TRIM9: variants seen among roughly 807,000 people sequenced by gnomAD.
The protein encoded by TRIM9 is E3 ubiquitin-protein ligase TRIM9.
A neutral mutation model predicts 78.3 loss-of-function variants in TRIM9; 26 were observed. The ratio of observed to expected loss-of-function variants is 0.33; its 90% CI spans 0.24 to 0.46. The LOEUF (loss-of-function observed/expected upper bound fraction) is 0.46, where lower values mean the gene tolerates loss of function less well. Ranked by LOEUF, TRIM9 falls within the 20% of genes least tolerant of loss-of-function variation. The pLI, the probability that TRIM9 is intolerant of heterozygous loss-of-function variation, is 1.00. For missense variants in TRIM9, 787 were observed against 1,036.4 expected, an observed-to-expected ratio of 0.76 and a Z score of 3.30; for synonymous variants, 398 against 416.5, an observed-to-expected ratio of 0.96 and a Z score of 0.54.
chr14:51,086,372 C>T (rs1027524517), intron 1 of TRIM9, among the ~76,000 whole-genome samples: 8 of 152,140 alleles, frequency 5.3e-5, no homozygotes. Flanking sequence ...ATCTTTAGAG[C>T]AGTGCCTGCA....
rs138127776 is a variant in TRIM9, at chr14:51,051,590, A to C, written c.823-26230T>G. Among the ~76,000 whole-genome samples, 1,240 of 152,338 alleles carry C rather than the reference A, an allele frequency of 8.1e-3. 28 individuals are homozygous for C. Among genetic ancestry groups the C allele is most frequent in the African/African-American group, 0.028 (1,175 of 41,566 alleles). ...GCTTGTTATTGTGGGTGTAATTAGC[A>C]GAGGAGTATAATGCAATTAGCTATT... is the stretch of plus-strand genomic sequence containing the variant. On this transcript the variant is annotated intron_variant, in intron 1 of 12. Transcript: ENST00000684578.
At chr14:51,026,785 T>TC (rs1304148917) in intron 1 of TRIM9, among the ~76,000 whole-genome samples, 5 of 152,178 alleles carry the variant, frequency 3.3e-5, no homozygotes, top group African/African-American at 1.2e-4. Context: ...TCTCGCTCTA[T>TC]CCCCTATAAG....
intron 1 of TRIM9, among the ~76,000 whole-genome samples, chr14:51,045,016 G>T (rs561739238): frequency 1.3e-5 from 2 of 152,082 alleles, no homozygotes; most frequent in Admixed American, 1.3e-4. Context: ...CTAAGAGGGC[G>T]GTTGGTTCTC....
intron 11 of TRIM9, among the ~76,000 whole-genome samples, chr14:50,981,187 C>A (rs368538790): frequency 1.4e-4 from 22 of 152,258 alleles, no homozygotes; most frequent in African/African-American, 5.1e-4. Context: ...AAGAAAACCT[C>A]AAGGAGATTA....
At chr14:50,996,929 AATTGTGCTTGTTTTTAACC>A in intron 7 of TRIM9, 1 of 985,400 alleles carries the variant, frequency 1.0e-6, no homozygotes, top group Non-Finnish European at 1.2e-6. Context: ...TAGGATTCAA[AATTGTGCTTGTTTTTAACC>A]ATGTGAAGCA....
chr14:51,073,118 G>A (rs1347066873), intron 1 of TRIM9, among the ~76,000 whole-genome samples: 1 of 152,138 alleles, frequency 6.6e-6, no homozygotes, highest in Non-Finnish European at 1.5e-5. Context: ...ACAACACTGT[G>A]ATACCACTGT....
chr14:51,010,425 A>G lies in TRIM9; in HGVS notation c.1111T>C (p.Leu371=), dbSNP rs938732919. Residue 371 remains leucine, a synonymous_variant, in exon 4 of 13, where the codon TTG becomes CTG. Transcript: ENST00000684578. ...GGATCATTTTCCTTAATCACCTCCA[A>G]GCAGTACTCCATGAGACCTGTGGTC... ...RQTTGLMEYC[L]EVIKENDPSG... The G allele has an allele frequency of 1.9e-6, 3 of 1,613,944 alleles. No homozygotes were observed. The African/African-American group carries it at 4.0e-5, about 22-fold the overall frequency.
chr14:51,060,082 A>C (rs4898680), intron 1 of TRIM9, among the ~76,000 whole-genome samples: 71,154 of 152,084 alleles, frequency 0.47, 16,791 homozygotes, highest in South Asian at 0.63. Context: ...TCACCTCCTG[A>C]CTGGAATACT....
At chr14:51,064,276 CTAAA>C (rs985645571) in intron 1 of TRIM9, among the ~76,000 whole-genome samples, 3 of 151,866 alleles carry the variant, frequency 2.0e-5, no homozygotes, top group Non-Finnish European at 4.4e-5. Context: ...AAAATTGTAA[CTAAA>C]TACTCAATAG....
At chr14:51,086,416 T>C (rs1382426966) in intron 1 of TRIM9, among the ~76,000 whole-genome samples, 3 of 152,218 alleles carry the variant, frequency 2.0e-5, no homozygotes, top group African/African-American at 7.2e-5. Flanking sequence ...TAGCAAAAAG[T>C]ATAAAATACA....
intron 1 of TRIM9, among the ~76,000 whole-genome samples, chr14:51,055,017 G>A (rs2060785300): frequency 6.7e-6 from 1 of 148,410 alleles, no homozygotes; most frequent in South Asian, 2.1e-4. Context: ...TTCAGAGACA[G>A]GTTTCACCAT....
In TRIM9 at chr14:51,080,436, AACACACACACACAC is replaced by A. The variant is rs34062978; in HGVS notation, c.822+13668_822+13681del. On this transcript the variant is annotated intron_variant, in intron 1 of 12. Transcript: ENST00000684578. The stretch of plus-strand genomic sequence containing the variant: ...TAGGTGTTTCAATTGAGTTTTATTG[AACACACACACACAC>A]ACACACACACACACACACACACACA... Among the ~76,000 whole-genome samples, 1,303 of 144,014 alleles carry A rather than the reference AACACACACACACAC, an allele frequency of 9.0e-3. 28 individuals are homozygous for A. The highest frequency in any genetic ancestry group is 0.03 in the African/African-American group (1,158 of 38,874). 94.5% of individuals were successfully genotyped at this position (144,014 alleles called of 152,430 possible).
chr14:51,014,922 CA>C (rs531334566), intron 3 of TRIM9, among the ~76,000 whole-genome samples: 35 of 152,284 alleles, frequency 2.3e-4, no homozygotes, highest in African/African-American at 7.9e-4. Context: ...AGGACACAAA[CA>C]GGGCCTAGGA....
At position 51,050,771 on chromosome 14, in the gene TRIM9, T is replaced by C. The variant is rs945399674; in HGVS notation, c.823-25411A>G. On this transcript the variant is annotated intron_variant, in intron 1 of 12. Transcript: ENST00000684578. ...CCATCCCCCTCTCCACCCCTCTTCC[T>C]TTCCCTCTCCTTTTCTCCCTCCCAT... Among the ~76,000 whole-genome samples the C allele has an allele frequency of 2.6e-5, 4 of 152,074 alleles. No individual in the cohort carries two copies. In the East Asian group the frequency reaches 7.7e-4, roughly 29 times the overall value.
chr14:51,070,203 G>A (rs1456588222), intron 1 of TRIM9, among the ~76,000 whole-genome samples: 1 of 152,186 alleles, frequency 6.6e-6, no homozygotes, highest in Non-Finnish European at 1.5e-5. Flanking sequence ...TGCTTGGGGA[G>A]AAAATACATT....
At chr14:50,995,962 T>C in intron 7 of TRIM9, 1 of 324,576 alleles carries the variant, frequency 3.1e-6, no homozygotes. Flanking sequence ...GATCATATCT[T>C]TTTTTTTAAA....
chr14:51,018,990 A>C (rs1293328045), intron 3 of TRIM9, among the ~76,000 whole-genome samples: 2 of 152,266 alleles, frequency 1.3e-5, no homozygotes, highest in African/African-American at 4.8e-5. Context: ...ATAAACAACA[A>C]ATAATTTTCA....
chr14:51,060,703 G>A (rs1256648621), intron 1 of TRIM9, among the ~76,000 whole-genome samples: 1 of 152,168 alleles, frequency 6.6e-6, no homozygotes, highest in Non-Finnish European at 1.5e-5. Context: ...TACTGACCTC[G>A]TGATCTGCCC....
At chr14:51,035,439 T>C (rs994166319) in intron 1 of TRIM9, among the ~76,000 whole-genome samples, 1 of 152,248 alleles carries the variant, frequency 6.6e-6, no homozygotes, top group Non-Finnish European at 1.5e-5. Context: ...AAAATATTTA[T>C]CTGATTTTTC....
Sources: gnomAD v4.1 joint callset for allele counts (sites outside exome capture counted in the v4.1 genomes callset) on GRCh38, gnomAD v4.1.1 for gene constraint, MANE v1.5 for transcripts, NCBI Gene and HGNC (gene_info 2026-07-23, HGNC 2026-07-21) for gene names.